Variants in DACH2 observed in about 807,000 individuals in gnomAD.
DACH2 encodes dachshund family transcription factor 2.
A neutral mutation model predicts 35.8 loss-of-function variants in DACH2; 17 were observed. The ratio of observed to expected loss-of-function variants is 0.48; its 90% CI spans 0.33 to 0.71. The LOEUF is 0.71. DACH2 is among the 30% of genes least tolerant of loss of function. The pLI, the probability that DACH2 is intolerant of heterozygous loss-of-function variation, is 0.02. For synonymous variants in DACH2, 195 were observed against 177.3 expected (o/e 1.10, Z -0.79); for missense variants, 469 against 472.7 (o/e 0.99, Z 0.07).
intron 1 of DACH2, among the ~76,000 whole-genome samples, chrX:86,185,765 A>G (rs186410911): frequency 1.8e-5 from 2 of 112,295 alleles, no homozygotes; most frequent in African/African-American, 3.2e-5. Flanking sequence ...AACATTATTT[A>G]GTTTAAAAAC....
chrX:86,222,809 T>C (rs898254149), intron 1 of DACH2, among the ~76,000 whole-genome samples: 3 of 110,242 alleles, frequency 2.7e-5, no homozygotes, highest in African/African-American at 9.9e-5. Flanking sequence ...TCAGGAGAGC[T>C]TGGGAAGGAG....
At chrX:86,569,239 C>T (rs1442573562) in intron 3 of DACH2, among the ~76,000 whole-genome samples, 1 of 110,871 alleles carries the variant, frequency 9.0e-6, no homozygotes, top group African/African-American at 3.3e-5. Context: ...TCAGGTAATG[C>T]TCATCGTTGA....
intron 5 of DACH2, among the ~76,000 whole-genome samples, chrX:86,703,902 C>T (rs897157473): frequency 4.5e-5 from 5 of 111,627 alleles, no homozygotes; most frequent in African/African-American, 1.6e-4. Flanking sequence ...CATCTACAGA[C>T]TTATTACAAT....
chrX:86,777,305 G>T (rs199505488), intron 7 of DACH2, among the ~76,000 whole-genome samples: 5 of 110,909 alleles, frequency 4.5e-5, no homozygotes, highest in Non-Finnish European at 7.6e-5. Flanking sequence ...GGTATCTCAT[G>T]GTGGTTTTGA....
intron 3 of DACH2, among the ~76,000 whole-genome samples, chrX:86,542,139 G>A (rs762896561): frequency 3.6e-5 from 4 of 111,039 alleles, no homozygotes; most frequent in Non-Finnish European, 7.6e-5. Flanking sequence ...ATTTCTCTGC[G>A]TGTTTGCTTC....
intron 1 of DACH2, among the ~76,000 whole-genome samples, chrX:86,245,848 A>G (rs1342093844): frequency 8.9e-6 from 1 of 111,959 alleles, no homozygotes; most frequent in Non-Finnish European, 1.9e-5. Flanking sequence ...AATGACATAT[A>G]GAATTCAGAA....
intron 1 of DACH2, chrX:86,160,450 G>A (rs1451883939): frequency 1.9e-6 from 1 of 535,517 alleles, no homozygotes; most frequent in Non-Finnish European, 3.4e-6. Flanking sequence ...AGAATTTAGA[G>A]CCATCTTCCA....
chrX:86,288,611 T>C (rs1481762491), intron 1 of DACH2, among the ~76,000 whole-genome samples: 1 of 111,927 alleles, frequency 8.9e-6, no homozygotes, highest in Non-Finnish European at 1.9e-5. Flanking sequence ...GACAGAGTCC[T>C]TTTCACTCTT....
intron 2 of DACH2, among the ~76,000 whole-genome samples, chrX:86,394,978 C>T (rs2036259670): frequency 9.0e-6 from 1 of 111,673 alleles, no homozygotes; most frequent in Non-Finnish European, 1.9e-5. Context: ...TTTACATGGC[C>T]GTCATCCCTA....
At chrX:86,473,995 G>A (rs774892246) in intron 2 of DACH2, among the ~76,000 whole-genome samples, 2 of 111,810 alleles carry the variant, frequency 1.8e-5, no homozygotes, top group Non-Finnish European at 3.8e-5. Context: ...GTGAATGAGG[G>A]TTTCGTTTTC....
chrX:86,166,164 G>T (rs1201155742), intron 1 of DACH2, among the ~76,000 whole-genome samples: 1 of 110,707 alleles, frequency 9.0e-6, no homozygotes, highest in Non-Finnish European at 1.9e-5. Flanking sequence ...TTTGTTTCTG[G>T]GTTCTCTATT....
intron 1 of DACH2, among the ~76,000 whole-genome samples, chrX:86,257,982 A>T (rs762728591): frequency 4.0e-4 from 44 of 111,122 alleles, no homozygotes; most frequent in African/African-American, 1.4e-3. Context: ...ACTCAGACAA[A>T]TTCTGCCTCA....
At chrX:86,611,128 G>T in intron 3 of DACH2, among the ~76,000 whole-genome samples, 1 of 109,316 alleles carries the variant, frequency 9.1e-6, no homozygotes, top group African/African-American at 3.4e-5. Context: ...TATTCAGCAG[G>T]TGATGGGTTC....
chrX:86,291,209 G>T (rs2147998324), intron 1 of DACH2, among the ~76,000 whole-genome samples: 1 of 109,301 alleles, frequency 9.1e-6, no homozygotes. Flanking sequence ...GTTCACTCAT[G>T]ATTTGGCTGT....
chrX:86,177,539 C>G (rs1483822908), intron 1 of DACH2, among the ~76,000 whole-genome samples: 1 of 111,530 alleles, frequency 9.0e-6, no homozygotes, highest in Non-Finnish European at 1.9e-5. Flanking sequence ...GAGAAGTTGG[C>G]TATCTCAATC....
At chrX:86,562,979 C>T (rs2039244132) in intron 3 of DACH2, among the ~76,000 whole-genome samples, 1 of 111,140 alleles carries the variant, frequency 9.0e-6, no homozygotes, top group Non-Finnish European at 1.9e-5. Context: ...AATTGTAAAT[C>T]GCCAAATGAT....
chrX:86,544,692 C>A (rs1490393081), intron 3 of DACH2, among the ~76,000 whole-genome samples: 1 of 111,535 alleles, frequency 9.0e-6, no homozygotes, highest in East Asian at 2.8e-4. Flanking sequence ...CTAAAACACA[C>A]TAAGTACAAA....
intron 1 of DACH2, among the ~76,000 whole-genome samples, chrX:86,180,190 A>ATATATATATATATATATATG (rs1326796089): frequency 1.2e-5 from 1 of 83,301 alleles, no homozygotes; most frequent in Admixed American, 1.3e-4. Context: ...ATATATATAT[A>ATATATATATATATATATATG]TATATATATA....
At chrX:86,248,263 A>G (rs2033326402) in intron 1 of DACH2, among the ~76,000 whole-genome samples, 1 of 111,145 alleles carries the variant, frequency 9.0e-6, no homozygotes, top group African/African-American at 3.3e-5. Context: ...AACTCTCTTC[A>G]CAGACAGTAT....
Sources: allele counts gnomAD v4.1 joint callset (sites outside exome capture counted in the v4.1 genomes callset), GRCh38; gene constraint gnomAD v4.1.1; transcripts MANE v1.5; gene names NCBI Gene and HGNC (gene_info 2026-07-23, HGNC 2026-07-21).